KCNIP4: variants seen among roughly 807,000 people sequenced by gnomAD.
The protein encoded by KCNIP4 is potassium voltage-gated channel interacting protein 4.
A neutral mutation model predicts 34.0 loss-of-function variants in KCNIP4; 12 were observed. The ratio of observed to expected loss-of-function variants is 0.35; its 90% CI spans 0.23 to 0.57. The LOEUF is 0.57. Ranked by LOEUF, KCNIP4 falls within the 20% of genes least tolerant of loss-of-function variation. KCNIP4 has a pLI of 0.83. For synonymous variants in KCNIP4, 124 were observed against 102.2 expected (o/e 1.21, Z -1.29); for missense variants, 238 against 311.7 (o/e 0.76, Z 1.78).
intron 1 of KCNIP4, among the ~76,000 whole-genome samples, chr4:20,984,367 A>G (rs1168171253): frequency 6.6e-6 from 1 of 152,194 alleles, no homozygotes; most frequent in Non-Finnish European, 1.5e-5. Flanking sequence ...TCTGCGCGCT[A>G]GTTTTCTGCC....
intron 1 of KCNIP4, among the ~76,000 whole-genome samples, chr4:21,693,642 A>G (rs1711942109): frequency 6.6e-6 from 1 of 152,190 alleles, no homozygotes; most frequent in South Asian, 2.1e-4. Flanking sequence ...AGTGATGTCA[A>G]TTTTAAGGCT....
At chr4:20,832,382 T>C (rs1718530286) in intron 3 of KCNIP4, among the ~76,000 whole-genome samples, 1 of 152,138 alleles carries the variant, frequency 6.6e-6, no homozygotes, top group South Asian at 2.1e-4. Context: ...CATTGGCCCA[T>C]TTATGCAAAG....
At chr4:20,849,460 T>A (rs1218755604) in intron 3 of KCNIP4, among the ~76,000 whole-genome samples, 1 of 152,202 alleles carries the variant, frequency 6.6e-6, no homozygotes, top group African/African-American at 2.4e-5. Flanking sequence ...ATGAATTCTC[T>A]GAGTAAATTG....
intron 1 of KCNIP4, among the ~76,000 whole-genome samples, chr4:21,862,424 AG>A (rs1409587701): frequency 6.6e-6 from 1 of 152,226 alleles, no homozygotes; most frequent in Non-Finnish European, 1.5e-5. Flanking sequence ...TCTCATCAAA[AG>A]AGATAAGAAT....
At chr4:21,577,879 G>C (rs1390136676) in intron 1 of KCNIP4, among the ~76,000 whole-genome samples, 1 of 151,950 alleles carries the variant, frequency 6.6e-6, no homozygotes, top group Non-Finnish European at 1.5e-5. Context: ...GCTACATCCT[G>C]CTCTCCATCA....
intron 1 of KCNIP4, among the ~76,000 whole-genome samples, chr4:20,915,995 C>T (rs556370262): frequency 1.1e-4 from 16 of 152,118 alleles, no homozygotes; most frequent in Non-Finnish European, 1.9e-4. Context: ...TCATTCTTTT[C>T]CCATATGGCT....
chr4:21,609,698 C>T (rs1374662440), intron 1 of KCNIP4, among the ~76,000 whole-genome samples: 1 of 152,100 alleles, frequency 6.6e-6, no homozygotes, highest in Non-Finnish European at 1.5e-5. Context: ...AAATTAGGGA[C>T]ACAGACTAGT....
At chr4:21,850,741 T>A (rs1237317482) in intron 1 of KCNIP4, 1 of 152,156 alleles carries the variant, frequency 6.6e-6, no homozygotes, top group Non-Finnish European at 1.5e-5. Context: ...TTTACATCAG[T>A]TTGATCCCGA....
intron 1 of KCNIP4, among the ~76,000 whole-genome samples, chr4:21,615,722 T>G (rs139325543): frequency 6.7e-4 from 102 of 152,334 alleles, no homozygotes; most frequent in African/African-American, 2.4e-3. Flanking sequence ...TTTAGATGAC[T>G]GCAGTTTTAT....
chr4:20,967,204 C>T (rs1000219325), intron 1 of KCNIP4, among the ~76,000 whole-genome samples: 6 of 152,226 alleles, frequency 3.9e-5, no homozygotes, highest in Admixed American at 2.0e-4. Flanking sequence ...TCTTAAACTT[C>T]GTCACATGAA....
At chr4:20,947,853 C>T (rs1348964439) in intron 1 of KCNIP4, among the ~76,000 whole-genome samples, 1 of 152,210 alleles carries the variant, frequency 6.6e-6, no homozygotes, top group Non-Finnish European at 1.5e-5. Context: ...CAGTTCCCTG[C>T]ATGTGACCCT....
At chr4:20,880,190 T>G (rs1724517225) in intron 2 of KCNIP4, among the ~76,000 whole-genome samples, 1 of 152,238 alleles carries the variant, frequency 6.6e-6, no homozygotes, top group African/African-American at 2.4e-5. Flanking sequence ...TATTTGTAGT[T>G]ACTTCATGGT....
intron 1 of KCNIP4, among the ~76,000 whole-genome samples, chr4:21,440,714 C>G (rs1277720900): frequency 1.3e-5 from 2 of 152,192 alleles, no homozygotes; most frequent in African/African-American, 4.8e-5. Flanking sequence ...TCATACATCT[C>G]TATTCGACTT....
intron 1 of KCNIP4, among the ~76,000 whole-genome samples, chr4:21,225,414 G>A (rs1036487599): frequency 3.3e-5 from 5 of 152,048 alleles, no homozygotes; most frequent in Non-Finnish European, 5.9e-5. Context: ...GGAGAATGAC[G>A]ATATACCCCA....
At chr4:20,909,521 T>C (rs1728125863) in intron 1 of KCNIP4, among the ~76,000 whole-genome samples, 1 of 152,128 alleles carries the variant, frequency 6.6e-6, no homozygotes, top group African/African-American at 2.4e-5. Flanking sequence ...AAGCACCCAG[T>C]GAATGCTTCC....
chr4:21,147,956 A>AAAAAAAAAAAAAAAAAAAAG (rs1553945843), intron 1 of KCNIP4, among the ~76,000 whole-genome samples: 4 of 128,414 alleles, frequency 3.1e-5, no homozygotes, highest in African/African-American at 1.2e-4. Context: ...AAAAAAAAAA[A>AAAAAAAAAAAAAAAAAAAAG]AAAAGAAAAA....
chr4:21,112,552 T>C (rs574532273), intron 1 of KCNIP4, among the ~76,000 whole-genome samples: 1 of 152,350 alleles, frequency 6.6e-6, no homozygotes, highest in Non-Finnish European at 1.5e-5. Flanking sequence ...ATAGATTTTG[T>C]GTACAATCAA....
intron 3 of KCNIP4, among the ~76,000 whole-genome samples, chr4:20,826,747 A>C (rs908679447): frequency 8.5e-5 from 13 of 152,200 alleles, no homozygotes; most frequent in Non-Finnish European, 1.9e-4. Flanking sequence ...AAAAGAGCAA[A>C]AGAAGTAATG....
intron 1 of KCNIP4, among the ~76,000 whole-genome samples, chr4:21,934,835 C>T (rs1295460717): frequency 6.6e-6 from 1 of 152,072 alleles, no homozygotes; most frequent in Admixed American, 6.6e-5. Flanking sequence ...AGTTGCTTAA[C>T]CCCTTTGAGC....
Sources: gnomAD v4.1 joint callset for allele counts (sites outside exome capture counted in the v4.1 genomes callset) on GRCh38, gnomAD v4.1.1 for gene constraint, MANE v1.5 for transcripts, NCBI Gene and HGNC (gene_info 2026-07-23, HGNC 2026-07-21) for gene names.